Variants in MARCHF3 observed in about 807,000 individuals in gnomAD.
The protein encoded by MARCHF3 is E3 ubiquitin-protein ligase MARCHF3.
MARCHF3 carries 13 observed loss-of-function variants against 24.2 expected under a neutral mutation model. The observed-to-expected ratio is 0.54, with a 90% CI of 0.35 to 0.85. MARCHF3 has a LOEUF of 0.85. Ranked by LOEUF, MARCHF3 falls within the 40% of genes least tolerant of loss-of-function variation. MARCHF3 has a pLI of 0.01. For missense variants in MARCHF3, 276 were observed against 325.0 expected, an observed-to-expected ratio of 0.85 and a Z score of 1.16; for synonymous variants, 144 against 137.3, an observed-to-expected ratio of 1.05 and a Z score of -0.34.
chr5:126,870,754 C>T lies in MARCHF3; in HGVS notation c.641G>A (p.Trp214Ter). ...AATCACCCTCTGATTGGTCCGACGC[C>T]ACTCGTTGTACAATCGACAGTGGTA... ...FRYHCRLYNE[W>*]RRTNQRVILL... Residue 214 changes from tryptophan (W) to a stop codon, truncating the protein, a stop_gained, in exon 5 of 5, where the codon TGG becomes TAG. Coordinates refer to ENST00000308660, the MANE Select transcript of MARCHF3 (RefSeq NM_178450.5). LOFTEE classifies it high-confidence loss of function. 6.2e-7 allele frequency: 1 copy of T among 1,614,176 alleles called. No individual in the cohort carries two copies. The highest frequency in any genetic ancestry group is 8.5e-7 in the Non-Finnish European group (1 of 1,180,032).
intron 1 of MARCHF3, among the ~76,000 whole-genome samples, chr5:126,976,278 T>A (rs1186089640): frequency 6.6e-6 from 1 of 152,220 alleles, no homozygotes; most frequent in Non-Finnish European, 1.5e-5. Flanking sequence ...CACAGCCCAG[T>A]GGAGTTTGGA....
At chr5:126,952,289 G>A (rs1394140358) in intron 1 of MARCHF3, among the ~76,000 whole-genome samples, 1 of 152,062 alleles carries the variant, frequency 6.6e-6, no homozygotes, top group Admixed American at 6.6e-5. Context: ...GGGAGGGGAG[G>A]GAGAATGAGC....
intron 3 of MARCHF3, among the ~76,000 whole-genome samples, chr5:126,908,866 A>T (rs1213706286): frequency 6.6e-6 from 1 of 152,090 alleles, no homozygotes; most frequent in African/African-American, 2.4e-5. Context: ...GCTGGTGAGG[A>T]CCTGCGTTCC....
chr5:126,974,988 C>T (rs779119313), intron 1 of MARCHF3, among the ~76,000 whole-genome samples: 6 of 152,152 alleles, frequency 3.9e-5, no homozygotes, highest in Non-Finnish European at 7.4e-5. Context: ...GATGGAGTCT[C>T]GCTCTGTCAC....
At chr5:127,013,080 G>T (rs1407329013) in intron 1 of MARCHF3, among the ~76,000 whole-genome samples, 1 of 152,126 alleles carries the variant, frequency 6.6e-6, no homozygotes, top group Non-Finnish European at 1.5e-5. Flanking sequence ...CTTTCTAGTG[G>T]AAGTGAATCA....
At chr5:126,977,489 G>A (rs939134812) in intron 1 of MARCHF3, among the ~76,000 whole-genome samples, 12 of 151,982 alleles carry the variant, frequency 7.9e-5, no homozygotes, top group East Asian at 1.9e-4. Context: ...TCAAGGAATC[G>A]GCAAACATAA....
intron 1 of MARCHF3, among the ~76,000 whole-genome samples, chr5:126,930,425 C>T (rs1260070521): frequency 6.6e-6 from 1 of 152,248 alleles, no homozygotes; most frequent in Non-Finnish European, 1.5e-5. Flanking sequence ...CCACTTGCCC[C>T]TGCAGACCTC....
At chr5:126,872,697 TG>T (rs992532515) in intron 4 of MARCHF3, among the ~76,000 whole-genome samples, 6 of 152,300 alleles carry the variant, frequency 3.9e-5, no homozygotes, top group African/African-American at 1.4e-4. Context: ...GGCAGGATCA[TG>T]AAATTCAAGG....
chr5:126,888,595 G>A (rs185759085), intron 3 of MARCHF3, among the ~76,000 whole-genome samples: 7 of 152,310 alleles, frequency 4.6e-5, no homozygotes, highest in Admixed American at 2.0e-4. Flanking sequence ...TCTGAAATAT[G>A]AGAAGATACT....
At position 126,877,216 on chromosome 5, in the gene MARCHF3, C is replaced by A. The variant is rs377556107; in HGVS notation, c.603+969G>T. Among the ~76,000 whole-genome samples, 43 of 152,194 alleles carry A rather than the reference C, an allele frequency of 2.8e-4. No individual in the cohort carries two copies. The East Asian group carries it at 3.7e-3, about 13-fold the overall frequency. On this transcript the variant is annotated intron_variant, in intron 4 of 4. Coordinates refer to ENST00000308660, the MANE Select transcript of MARCHF3 (RefSeq NM_178450.5). ...CTGGAGGAACAGGGTCTGGGAGACACAGAAAGGGAGGAAGTATGTGCTAGA... is the reference window on the plus strand; with the variant it reads ...CTGGAGGAACAGGGTCTGGGAGACAAAGAAAGGGAGGAAGTATGTGCTAGA...
chr5:127,020,753 T>C (rs1752776032), intron 1 of MARCHF3, among the ~76,000 whole-genome samples: 1 of 151,934 alleles, frequency 6.6e-6, no homozygotes, highest in Non-Finnish European at 1.5e-5. Flanking sequence ...CGGGAAGCTA[T>C]GGTGGGAGAA....
chr5:126,877,582 C>A (rs558368059), intron 4 of MARCHF3, among the ~76,000 whole-genome samples: 2 of 152,170 alleles, frequency 1.3e-5, no homozygotes, highest in Admixed American at 1.3e-4. Flanking sequence ...ACAGCGAGAA[C>A]ACTTATTGGG....
intron 4 of MARCHF3, among the ~76,000 whole-genome samples, chr5:126,875,851 G>A (rs1434900751): frequency 1.3e-5 from 2 of 152,226 alleles, no homozygotes; most frequent in Non-Finnish European, 2.9e-5. Flanking sequence ...TGCAATAACC[G>A]ATTGACCTAG....
intron 3 of MARCHF3, among the ~76,000 whole-genome samples, chr5:126,895,793 G>C (rs551200155): frequency 3.3e-5 from 5 of 152,276 alleles, no homozygotes; most frequent in African/African-American, 1.2e-4. Context: ...CCCAGAGGTG[G>C]AGCCTACAGA....
At chr5:127,005,133 CTTTTTT>C (rs937505290) in intron 1 of MARCHF3, among the ~76,000 whole-genome samples, 5 of 122,542 alleles carry the variant, frequency 4.1e-5, no homozygotes, top group Non-Finnish European at 8.5e-5. Flanking sequence ...CTCAGAAAGT[CTTTTTT>C]TTTTTTTTTT....
chr5:126,984,917 A>C (rs775257151), intron 1 of MARCHF3, among the ~76,000 whole-genome samples: 1 of 152,218 alleles, frequency 6.6e-6, no homozygotes, highest in Non-Finnish European at 1.5e-5. Context: ...TTAAGCTGTC[A>C]GTGAGTGCAT....
intron 1 of MARCHF3, among the ~76,000 whole-genome samples, chr5:127,023,274 T>C (rs1752871303): frequency 6.6e-6 from 1 of 152,220 alleles, no homozygotes; most frequent in Non-Finnish European, 1.5e-5. Flanking sequence ...ATAAAAACTC[T>C]GTCCTCCCTA....
intron 4 of MARCHF3, among the ~76,000 whole-genome samples, chr5:126,877,869 C>T (rs1011054551): frequency 2.0e-5 from 3 of 152,116 alleles, no homozygotes; most frequent in Non-Finnish European, 2.9e-5. Flanking sequence ...AAAGAAAATG[C>T]CAAGACTCAT....
chr5:126,920,236 T>TTTTG (rs10623065), intron 1 of MARCHF3, among the ~76,000 whole-genome samples: 59,899 of 151,554 alleles, frequency 0.4, 12,819 homozygotes, highest in Middle Eastern at 0.52. Flanking sequence ...CAGACAGTTG[T>TTTTG]TTTGTTTTGT....
Sources: gnomAD v4.1 joint callset for allele counts (sites outside exome capture counted in the v4.1 genomes callset) on GRCh38, gnomAD v4.1.1 for gene constraint, MANE v1.5 for transcripts, NCBI Gene and HGNC (gene_info 2026-07-23, HGNC 2026-07-21) for gene names.